The following NPAS3 variants were observed in gnomAD, a reference collection of about 807,000 sequenced individuals.
NPAS3 encodes neuronal PAS domain protein 3, also known as neuronal PAS domain-containing protein 3.
In NPAS3, 14 loss-of-function variants were observed where a neutral mutation model predicts 73.1. The ratio of observed to expected loss-of-function variants is 0.19; its 90% CI spans 0.13 to 0.30. The LOEUF (loss-of-function observed/expected upper bound fraction) is 0.30, where lower values mean the gene tolerates loss of function less well. NPAS3 is among the 10% of genes least tolerant of loss of function. The pLI is 1.00. For synonymous variants in NPAS3, 620 were observed against 541.5 expected (o/e 1.14, Z -2.01); for missense variants, 1,096 against 1,250.0 (o/e 0.88, Z 1.86).
intron 4 of NPAS3, among the ~76,000 whole-genome samples, chr14:33,544,701 G>C (rs912996531): frequency 5.1e-5 from 7 of 136,750 alleles, no homozygotes; most frequent in African/African-American, 2.0e-4. Context: ...AGTTTCTGTT[G>C]TTTAAGTCAC....
At chr14:33,199,777 G>T (rs2046544134) in intron 2 of NPAS3, among the ~76,000 whole-genome samples, 1 of 135,654 alleles carries the variant, frequency 7.4e-6, no homozygotes, top group Admixed American at 8.4e-5. Context: ...ACCACTTCAA[G>T]GACTAATTTA....
intron 1 of NPAS3, among the ~76,000 whole-genome samples, chr14:33,050,259 T>TTTTTTTG (rs1169275818): frequency 2.6e-5 from 4 of 152,126 alleles, no homozygotes; most frequent in Non-Finnish European, 5.9e-5. Flanking sequence ...GCCAGTTGGG[T>TTTTTTTG]TTTTTTGTTT....
intron 5 of NPAS3, among the ~76,000 whole-genome samples, chr14:33,581,696 C>A (rs2139882678): frequency 6.6e-6 from 1 of 152,264 alleles, no homozygotes; most frequent in Non-Finnish European, 1.5e-5. Context: ...CCCAGCCTCC[C>A]AAGTAGCTGG....
intron 7 of NPAS3, among the ~76,000 whole-genome samples, chr14:33,749,973 T>A (rs770824693): frequency 8.5e-5 from 13 of 152,172 alleles, no homozygotes; most frequent in Non-Finnish European, 1.8e-4. Flanking sequence ...CAAAGAATCT[T>A]TTCTCTCTTG....
intron 1 of NPAS3, among the ~76,000 whole-genome samples, chr14:32,967,593 A>G (rs951952710): frequency 6.6e-5 from 10 of 152,224 alleles, no homozygotes; most frequent in African/African-American, 2.4e-4. Context: ...TAAATGTTCG[A>G]TGTCACTAAT....
intron 9 of NPAS3, among the ~76,000 whole-genome samples, chr14:33,790,273 AT>A (rs1267322852): frequency 6.6e-6 from 1 of 152,216 alleles, no homozygotes; most frequent in Non-Finnish European, 1.5e-5. Context: ...CGCAAAAGGA[AT>A]TTTATGAAAT....
chr14:33,038,808 C>T (rs2040256380), intron 1 of NPAS3, among the ~76,000 whole-genome samples: 2 of 152,022 alleles, frequency 1.3e-5, no homozygotes, highest in South Asian at 4.1e-4. Context: ...TAGAAAAATG[C>T]TAAAAGGCAT....
At chr14:33,453,287 C>T (rs2049884958) in intron 4 of NPAS3, among the ~76,000 whole-genome samples, 1 of 152,132 alleles carries the variant, frequency 6.6e-6, no homozygotes, top group South Asian at 2.1e-4. Context: ...AAGATTACAA[C>T]CATAGATCAA....
At chr14:33,358,153 GT>G (rs1236792516) in intron 3 of NPAS3, among the ~76,000 whole-genome samples, 1 of 152,198 alleles carries the variant, frequency 6.6e-6, no homozygotes, top group Non-Finnish European at 1.5e-5. Flanking sequence ...AGTCTGGTTA[GT>G]GACTCGGTTG....
chr14:33,341,161 G>C (rs963593934), intron 3 of NPAS3, among the ~76,000 whole-genome samples: 2 of 152,174 alleles, frequency 1.3e-5, no homozygotes, highest in Admixed American at 1.3e-4. Context: ...TAGTGGCTTT[G>C]ATAGTTTGAC....
intron 4 of NPAS3, among the ~76,000 whole-genome samples, chr14:33,417,566 A>G (rs768353828): frequency 2.0e-5 from 3 of 152,074 alleles, no homozygotes; most frequent in Non-Finnish European, 4.4e-5. Flanking sequence ...TTCATATTGA[A>G]TCTTTTCAAT....
At chr14:33,482,734 C>T (rs144477384) in intron 4 of NPAS3, among the ~76,000 whole-genome samples, 1 of 152,008 alleles carries the variant, frequency 6.6e-6, no homozygotes, top group Non-Finnish European at 1.5e-5. Context: ...TCTCCCTGCC[C>T]GTCCTTCTTT....
intron 2 of NPAS3, among the ~76,000 whole-genome samples, chr14:33,076,132 G>C (rs1453265340): frequency 6.6e-6 from 1 of 151,978 alleles, no homozygotes; most frequent in Non-Finnish European, 1.5e-5. Flanking sequence ...CTGAAAACAC[G>C]GGTCTTTATT....
At chr14:33,404,086 TA>T (rs2047561243) in intron 4 of NPAS3, among the ~76,000 whole-genome samples, 1 of 152,036 alleles carries the variant, frequency 6.6e-6, no homozygotes, top group African/African-American at 2.4e-5. Context: ...CCAAGGGAAA[TA>T]GTAAAATTTT....
intron 7 of NPAS3, among the ~76,000 whole-genome samples, chr14:33,742,692 T>C (rs904416904): frequency 5.3e-5 from 8 of 152,224 alleles, no homozygotes; most frequent in African/African-American, 1.9e-4. Context: ...AGATTGATTC[T>C]TCCTTTCATG....
intron 3 of NPAS3, among the ~76,000 whole-genome samples, chr14:33,242,816 G>C (rs1459308903): frequency 6.6e-6 from 1 of 152,058 alleles, no homozygotes; most frequent in Admixed American, 6.6e-5. Flanking sequence ...ATAAATCTAA[G>C]ACAATATGCT....
intron 4 of NPAS3, among the ~76,000 whole-genome samples, chr14:33,445,275 T>G (rs1474889697): frequency 6.6e-6 from 1 of 152,244 alleles, no homozygotes; most frequent in Non-Finnish European, 1.5e-5. Context: ...CATTTTGTTT[T>G]ATTGTCAACA....
chr14:33,223,347 T>C (rs906290539), intron 3 of NPAS3, among the ~76,000 whole-genome samples: 1 of 151,998 alleles, frequency 6.6e-6, no homozygotes, highest in African/African-American at 2.4e-5. Flanking sequence ...AAGAAAACCA[T>C]GAGTATTCTG....
chr14:33,346,687 A>C (rs765445605), intron 3 of NPAS3, among the ~76,000 whole-genome samples: 18 of 152,200 alleles, frequency 1.2e-4, no homozygotes, highest in Non-Finnish European at 2.2e-4. Flanking sequence ...AGTGTTAAGC[A>C]GAGCTTGAGT....
Sources: gnomAD v4.1 joint callset for allele counts (sites outside exome capture counted in the v4.1 genomes callset) on GRCh38, gnomAD v4.1.1 for gene constraint, MANE v1.5 for transcripts, NCBI Gene and HGNC (gene_info 2026-07-23, HGNC 2026-07-21) for gene names.